CDH2: variants seen among roughly 807,000 people sequenced by gnomAD.
CDH2 encodes cadherin-2.
In CDH2, 17 loss-of-function variants were observed where a neutral mutation model predicts 92.0. That is an observed-to-expected ratio of 0.18 (90% CI 0.13 to 0.28). The LOEUF is 0.28. Among genes scored for constraint, CDH2 ranks in the 10% least tolerant of loss-of-function variants. The pLI, the probability that CDH2 is intolerant of heterozygous loss-of-function variation, is 1.00. For missense variants in CDH2, 862 were observed against 1,133.1 expected (o/e 0.76, Z 3.44); for synonymous variants, 419 against 415.9 (o/e 1.01, Z -0.09).
intron 2 of CDH2, among the ~76,000 whole-genome samples, chr18:28,091,503 C>A (rs1328168346): frequency 6.6e-6 from 1 of 152,170 alleles, no homozygotes; most frequent in Non-Finnish European, 1.5e-5. Context: ...TTTCTCTTAC[C>A]ATCAAAGAAG....
intron 2 of CDH2, among the ~76,000 whole-genome samples, chr18:28,133,137 G>A (rs934268337): frequency 1.3e-5 from 2 of 152,114 alleles, no homozygotes; most frequent in Non-Finnish European, 2.9e-5. Flanking sequence ...AGCATGGTAT[G>A]TCACAAAAAG....
At chr18:28,163,607 G>A (rs17536862) in intron 1 of CDH2, among the ~76,000 whole-genome samples, 44 of 152,286 alleles carry the variant, frequency 2.9e-4, no homozygotes, top group African/African-American at 1.0e-3. Flanking sequence ...AACCACACAC[G>A]CAAGTCCATC....
At chr18:28,026,319 C>T (rs2013552419) in intron 2 of CDH2, among the ~76,000 whole-genome samples, 1 of 152,172 alleles carries the variant, frequency 6.6e-6, no homozygotes, top group Non-Finnish European at 1.5e-5. Flanking sequence ...TTTTACTCTC[C>T]ATTACCAAAC....
chr18:28,068,066 T>C (rs2014543863), intron 2 of CDH2, among the ~76,000 whole-genome samples: 1 of 152,134 alleles, frequency 6.6e-6, no homozygotes, highest in Non-Finnish European at 1.5e-5. Context: ...ATAATAAATA[T>C]CCTGATCCTC....
chr18:28,115,582 C>T (rs909522341), intron 2 of CDH2, among the ~76,000 whole-genome samples: 9 of 152,230 alleles, frequency 5.9e-5, no homozygotes, highest in Admixed American at 3.3e-4. Context: ...CTACACAATC[C>T]TGAGGATAGA....
intron 2 of CDH2, among the ~76,000 whole-genome samples, chr18:28,089,539 T>C (rs1192250024): frequency 6.6e-6 from 1 of 152,174 alleles, no homozygotes; most frequent in Admixed American, 6.5e-5. Flanking sequence ...AAATTGCATA[T>C]AAATTGATAG....
intron 2 of CDH2, among the ~76,000 whole-genome samples, chr18:28,084,588 GATACACAC>G (rs1567992099): frequency 6.6e-6 from 1 of 151,136 alleles, no homozygotes; most frequent in African/African-American, 2.4e-5. Context: ...AAAAAAAAAG[GATACACAC>G]ACACACACAC....
intron 7 of CDH2, among the ~76,000 whole-genome samples, chr18:28,001,339 A>AT (rs2012759415): frequency 6.6e-6 from 1 of 152,234 alleles, no homozygotes; most frequent in Non-Finnish European, 1.5e-5. Flanking sequence ...TCCAGTCTAA[A>AT]TGAGATAGGA....
chr18:27,983,108 C>G (rs1409597861), intron 13 of CDH2, 25 bp from the exon 14 acceptor site: 2 of 1,579,660 alleles, frequency 1.3e-6, no homozygotes, highest in Non-Finnish European at 1.7e-6. Flanking sequence ...AGTAAAAATA[C>G]ATAATATTGT....
intron 2 of CDH2, among the ~76,000 whole-genome samples, chr18:28,028,909 C>A (rs1258326014): frequency 6.6e-6 from 1 of 152,086 alleles, no homozygotes; most frequent in East Asian, 1.9e-4. Context: ...AAAGCAATGA[C>A]ATGAAATCTT....
Position 27,967,018 on chromosome 18 carries a change from C to T in CDH2, c.2350-3497G>A, listed in dbSNP as rs990327233. On this transcript the variant is annotated intron_variant, in intron 14 of 15. Coordinates refer to ENST00000269141, the MANE Select transcript of CDH2 (RefSeq NM_001792.5). ...TGATGAGACGGGAGAGAAAGACCTCCTGGTCCCATTGCTGAGAATCATTGC... is the reference window on the plus strand; with the variant it reads ...TGATGAGACGGGAGAGAAAGACCTCTTGGTCCCATTGCTGAGAATCATTGC... Among the ~76,000 whole-genome samples, 4 of 152,296 alleles carry T rather than the reference C, an allele frequency of 2.6e-5. No individual in the cohort carries two copies. The East Asian group carries it at 7.7e-4, about 29-fold the overall frequency.
In CDH2 at chr18:28,013,728, T is replaced by C. The variant is rs1202627024; in HGVS notation, c.354A>G (p.Ala118=). 3 of 1,613,922 alleles carry C rather than the reference T, an allele frequency of 1.9e-6. No individual in the cohort carries two copies. The highest frequency in any genetic ancestry group is 2.5e-6 in the Non-Finnish European group (3 of 1,179,946). ...DKETQEKWQV[A]VKLSLKPTLT... ...AGGTTGGCTTCAGGCTCAATTTTAC[T>C]GCCACTTGCCACTTTTCCTGGGTCT... Residue 118 remains alanine, a synonymous_variant, in exon 3 of 16, where the codon GCA becomes GCG. Transcript: ENST00000269141.
chr18:27,988,922 T>C lies in CDH2; in HGVS notation c.1599-256A>G, dbSNP rs17493451. 1.7e-3 allele frequency among the ~76,000 whole-genome samples: 256 copies of C among 152,326 alleles called. 1 individual carries two copies. Among genetic ancestry groups the C allele is most frequent in the Middle Eastern group, 6.8e-3 (2 of 294 alleles). On this transcript the variant is annotated intron_variant, in intron 10 of 15. Transcript: ENST00000269141. ...GACTAGGTGCACAGTCTCCCTAATG[T>C]GGGCTAAAGCAGATTGGAAAGTTAT...
intron 6 of CDH2, among the ~76,000 whole-genome samples, chr18:27,934,009 A>T (rs949198275): frequency 6.6e-6 from 1 of 152,232 alleles, no homozygotes; most frequent in African/African-American, 2.4e-5. Flanking sequence ...GTTATCAGCC[A>T]GTAAATACAG....
At chr18:28,060,739 T>C (rs1200297775) in intron 2 of CDH2, among the ~76,000 whole-genome samples, 1 of 152,172 alleles carries the variant, frequency 6.6e-6, no homozygotes, top group Non-Finnish European at 1.5e-5. Context: ...GATAACATGA[T>C]ATTCCAGGTC....
intron 10 of CDH2, among the ~76,000 whole-genome samples, chr18:27,989,826 G>C (rs2012352426): frequency 6.6e-6 from 1 of 152,092 alleles, no homozygotes; most frequent in African/African-American, 2.4e-5. Context: ...TAATTTTAAA[G>C]TATTTTTTAA....
chr18:27,978,475 G>A (rs1256606105), intron 14 of CDH2, among the ~76,000 whole-genome samples: 1 of 152,126 alleles, frequency 6.6e-6, no homozygotes, highest in African/African-American at 2.4e-5. Context: ...TTTTACCAAG[G>A]GGTGCTGGAT....
chr18:28,012,112 T>C (rs1031105345), intron 3 of CDH2, 120 bp from the exon 4 acceptor site: 2 of 812,572 alleles, frequency 2.5e-6, no homozygotes, highest in East Asian at 2.8e-5. Flanking sequence ...AAAAAATAAG[T>C]CTGGAGGCCC....
At chr18:27,962,351 T>C (rs1182376605) in intron 15 of CDH2, among the ~76,000 whole-genome samples, 3 of 152,346 alleles carry the variant, frequency 2.0e-5, no homozygotes, top group Admixed American at 2.0e-4. Context: ...CAGTAATGGA[T>C]AGTTATAGAG....
Sources: allele counts gnomAD v4.1 joint callset (sites outside exome capture counted in the v4.1 genomes callset), GRCh38; gene constraint gnomAD v4.1.1; transcripts MANE v1.5; gene names NCBI Gene and HGNC (gene_info 2026-07-23, HGNC 2026-07-21).